PGM1: variants seen among roughly 807,000 people sequenced by gnomAD.
The protein encoded by PGM1 is phosphoglucomutase-1.
Under a neutral mutation model 55.6 loss-of-function variants are expected in PGM1, and 52 were observed. The ratio of observed to expected loss-of-function variants is 0.94; its 90% CI spans 0.75 to 1.18. The LOEUF is 1.18. Ranked by LOEUF, PGM1 falls within the 50% of genes most tolerant of loss-of-function variation. The pLI, the probability that PGM1 is intolerant of heterozygous loss-of-function variation, is 0.00. For synonymous variants in PGM1, 287 were observed against 271.7 expected, an observed-to-expected ratio of 1.06 and a Z score of -0.55; for missense variants, 724 against 729.3, an observed-to-expected ratio of 0.99 and a Z score of 0.08.
intron 5 of PGM1, among the ~76,000 whole-genome samples, chr1:63,635,390 T>A (rs1177927576): frequency 6.6e-6 from 1 of 152,224 alleles, no homozygotes; most frequent in Non-Finnish European, 1.5e-5. Context: ...TTTGGTCTTA[T>A]AATACACCCA....
chr1:63,638,736 G>GT lies in PGM1; in HGVS notation c.1086dup (p.Gly363TrpfsTer22), dbSNP rs1170935238. 4 of 1,614,104 alleles carry GT rather than the reference G, an allele frequency of 2.5e-6. No homozygotes were observed. The highest frequency in any genetic ancestry group is 4.5e-5 in the East Asian group (2 of 44,878). On this transcript the variant is annotated frameshift_variant, in exon 7 of 11. Coordinates refer to ENST00000371084, the MANE Select transcript of PGM1 (RefSeq NM_002633.3). LOFTEE classifies it high-confidence loss of function. ...TGTATGAGACCCCAACTGGCTGGAA[G>GT]TTTTTTGGGAATTTGATGGACGCGA...
intron 10 of PGM1, 126 bp from the exon 11 acceptor site, chr1:63,659,460 T>C: frequency 1.3e-6 from 1 of 760,754 alleles, no homozygotes; most frequent in Non-Finnish European, 2.4e-6. Context: ...ATGTGTTTGT[T>C]TTTGGATTTG....
rs754146401 is a variant in PGM1, at chr1:63,623,666, AT to A, written c.247-5758del. ...ATATTCTTTTCCATAGACCTAAAAGATCGCCAGGGATCATCACTGGTGGTTG... is the reference window on the plus strand; with the variant it reads ...ATATTCTTTTCCATAGACCTAAAAGACGCCAGGGATCATCACTGGTGGTTG... On this transcript the variant is annotated intron_variant, in intron 1 of 10. Coordinates refer to ENST00000371084, the MANE Select transcript of PGM1 (RefSeq NM_002633.3). 4.3e-6 allele frequency: 7 copies of A among 1,612,458 alleles called. No individual in the cohort carries two copies. The East Asian group carries it at 1.3e-4, about 31-fold the overall frequency.
chr1:63,649,253 C>A (rs1352211177), intron 8 of PGM1, among the ~76,000 whole-genome samples: 1 of 152,202 alleles, frequency 6.6e-6, no homozygotes, highest in Non-Finnish European at 1.5e-5. Context: ...CAGATATTTA[C>A]TGTATACCCG....
chr1:63,620,008 G>A (rs1421351301), intron 1 of PGM1, among the ~76,000 whole-genome samples: 2 of 152,156 alleles, frequency 1.3e-5, no homozygotes, highest in African/African-American at 2.4e-5. Flanking sequence ...AGGACAAGGG[G>A]GCTGACAATG....
intron 6 of PGM1, among the ~76,000 whole-genome samples, chr1:63,636,612 A>G (rs1649370885): frequency 1.3e-5 from 2 of 151,908 alleles, no homozygotes; most frequent in South Asian, 4.2e-4. Context: ...GGCACTTACC[A>G]CACTGTGTTC....
intron 7 of PGM1, among the ~76,000 whole-genome samples, chr1:63,639,084 G>A (rs1446437275): frequency 6.6e-6 from 1 of 152,142 alleles, no homozygotes; most frequent in Non-Finnish European, 1.5e-5. Flanking sequence ...ATTAAACAGA[G>A]CGATAAACAG....
chr1:63,618,966 G>A (rs1037061638), intron 1 of PGM1, among the ~76,000 whole-genome samples: 9 of 152,182 alleles, frequency 5.9e-5, no homozygotes, highest in African/African-American at 2.2e-4. Flanking sequence ...ATGATCCCGA[G>A]TTGGATCCTG....
chr1:63,609,723 C>T (rs1036671025), intron 1 of PGM1, among the ~76,000 whole-genome samples: 5 of 152,110 alleles, frequency 3.3e-5, no homozygotes, highest in African/African-American at 9.7e-5. Context: ...CGAGGGTAAA[C>T]GACCAATAAT....
intron 1 of PGM1, among the ~76,000 whole-genome samples, chr1:63,601,167 A>G (rs915581157): frequency 4.6e-5 from 7 of 152,178 alleles, no homozygotes; most frequent in African/African-American, 1.2e-4. Flanking sequence ...GGAAACCACG[A>G]CTTTAGGAGA....
At chr1:63,645,399 GA>G (rs1195811796) in intron 7 of PGM1, among the ~76,000 whole-genome samples, 3 of 152,030 alleles carry the variant, frequency 2.0e-5, no homozygotes, top group Non-Finnish European at 4.4e-5. Flanking sequence ...AAATTAAGGA[GA>G]AAAAGAAGGA....
Position 63,648,576 on chromosome 1 carries a change from C to CT in PGM1, c.1205dup (p.Ala403SerfsTer27). The stretch of plus-strand genomic sequence containing the variant: ...GGCTGTCCTTGCCTGGCTCTCCATC[C>CT]TAGCCACCCGCAAGCAGAGTGTGGA... On this transcript the variant is annotated frameshift_variant, in exon 8 of 11. Transcript: ENST00000371084. LOFTEE classifies it high-confidence loss of function. 6.2e-7 allele frequency: 1 copy of CT among 1,614,076 alleles called. No homozygotes were observed. Among genetic ancestry groups the CT allele is most frequent in the African/African-American group, 1.3e-5 (1 of 75,046 alleles).
rs1649153357 is a variant in PGM1 at position 63,630,051 on chromosome 1, G to A, written c.519G>A (p.Gln173=). 6.2e-7 allele frequency: 1 copy of A among 1,613,946 alleles called. No individual in the cohort carries two copies. The highest frequency in any genetic ancestry group is 1.3e-5 in the African/African-American group (1 of 74,914). The change falls in exon 3 of 11, where the codon CAG becomes CAA. Residue 173 remains glutamine (Q), a synonymous_variant. Coordinates refer to ENST00000371084, the MANE Select transcript of PGM1 (RefSeq NM_002633.3). ...TAGACCTTGGTGTTCTGGGAAAGCA[G>A]CAGTTTGACTTGGAAAATAAGTTCA... is the stretch of plus-strand genomic sequence containing the variant. ...LKVDLGVLGK[Q]QFDLENKFKP... is the part of the protein sequence containing the mutation.
intron 8 of PGM1, among the ~76,000 whole-genome samples, chr1:63,648,959 A>T (rs1387420565): frequency 2.0e-5 from 3 of 152,160 alleles, no homozygotes; most frequent in Non-Finnish European, 4.4e-5. Context: ...AGAGAAATGG[A>T]TTAGAATTTT....
chr1:63,623,757 T>C, intron 1 of PGM1: 1 of 1,606,638 alleles, frequency 6.2e-7, no homozygotes, highest in Non-Finnish European at 8.5e-7. Context: ...CAGCTGCCAA[T>C]GGGGTGGGTA....
At chr1:63,624,854 A>T (rs1225223569) in intron 1 of PGM1, among the ~76,000 whole-genome samples, 1 of 152,222 alleles carries the variant, frequency 6.6e-6, no homozygotes, top group East Asian at 1.9e-4. Flanking sequence ...AAGTGTTTGT[A>T]GATCCTGTTG....
chr1:63,659,474 A>C, intron 10 of PGM1, 112 bp from the exon 11 acceptor site: 1 of 824,666 alleles, frequency 1.2e-6, no homozygotes, highest in East Asian at 2.5e-5. Flanking sequence ...GGATTTGTGG[A>C]GTTTGAGGAG....
chr1:63,603,884 CTT>C (rs1648309941), intron 1 of PGM1, among the ~76,000 whole-genome samples: 1 of 152,190 alleles, frequency 6.6e-6, no homozygotes, highest in African/African-American at 2.4e-5. Context: ...AAATTTCACT[CTT>C]GTCTTCTTTG....
At chr1:63,594,190 G>T (rs1210057402) in intron 1 of PGM1, 2 of 915,064 alleles carry the variant, frequency 2.2e-6, no homozygotes, top group Non-Finnish European at 2.6e-6. Flanking sequence ...CATCCCGCCC[G>T]CTCCTCTGCT....
Sources: gnomAD v4.1 joint callset for allele counts (sites outside exome capture counted in the v4.1 genomes callset) on GRCh38, gnomAD v4.1.1 for gene constraint, MANE v1.5 for transcripts, NCBI Gene and HGNC (gene_info 2026-07-23, HGNC 2026-07-21) for gene names.